HMG20A: variants seen among roughly 807,000 people sequenced by gnomAD.
The protein encoded by HMG20A is high mobility group protein 20A.
HMG20A carries 17 observed loss-of-function variants against 43.9 expected under a neutral mutation model. That is an observed-to-expected ratio of 0.39 (90% CI 0.27 to 0.58). The LOEUF (loss-of-function observed/expected upper bound fraction) is 0.58. HMG20A is among the 20% of genes least tolerant of loss of function. The pLI is 0.59. For missense variants in HMG20A, 341 were observed against 438.2 expected (o/e 0.78, Z 1.98); for synonymous variants, 132 against 147.5 (o/e 0.89, Z 0.76).
At chr15:77,487,698 G>T (rs1196967862), downstream of HMG20A, among the ~76,000 whole-genome samples, 3 of 152,202 alleles carry the variant, frequency 2.0e-5, no homozygotes, top group African/African-American at 7.2e-5. Context: ...TGGGGAAATT[G>T]AAGTATTGCT....
chr15:77,481,626 A>G (rs530222718), intron 9 of HMG20A, among the ~76,000 whole-genome samples: 50 of 152,298 alleles, frequency 3.3e-4, no homozygotes, highest in African/African-American at 1.2e-3. Context: ...TTGTTTTCTG[A>G]TGAGTCTTTG....
intron 2 of HMG20A, 60 bp downstream of exon 2, chr15:77,458,556 A>C (rs2072677954): frequency 8.7e-7 from 1 of 1,150,852 alleles, no homozygotes; most frequent in South Asian, 1.3e-5. Flanking sequence ...AGCTTCTAGC[A>C]AAGTAAGAGG....
the HMG20A span, among the ~76,000 whole-genome samples, chr15:77,505,052 C>G: frequency 6.6e-6 from 1 of 152,188 alleles, no homozygotes; most frequent in African/African-American, 2.4e-5. Flanking sequence ...ATGTGAACAC[C>G]TGTTTGGACA....
the HMG20A span, among the ~76,000 whole-genome samples, chr15:77,493,123 G>T: frequency 1.3e-5 from 2 of 152,166 alleles, no homozygotes; most frequent in African/African-American, 2.4e-5. Context: ...TTGCTTTCAT[G>T]GAGCCTAGTA....
intron 4 of HMG20A, among the ~76,000 whole-genome samples, chr15:77,469,563 G>A (rs1403527228): frequency 6.6e-6 from 1 of 151,932 alleles, no homozygotes; most frequent in Non-Finnish European, 1.5e-5. Context: ...CAAACATCTG[G>A]GCTCAAGCAG....
At chr15:77,472,140 C>A (rs1299555401) in intron 6 of HMG20A, among the ~76,000 whole-genome samples, 1 of 152,056 alleles carries the variant, frequency 6.6e-6, no homozygotes, top group Non-Finnish European at 1.5e-5. Context: ...CATAGTTTAT[C>A]ATCACCAAAT....
At chr15:77,463,641 G>T (rs1026891164) in intron 2 of HMG20A, among the ~76,000 whole-genome samples, 2 of 152,194 alleles carry the variant, frequency 1.3e-5, no homozygotes, top group African/African-American at 4.8e-5. Flanking sequence ...ATCTGGAATA[G>T]TATAGTGGGA....
rs7168876 is a variant in HMG20A at position 77,477,705 on chromosome 15, T to G, written c.691+75T>G. The G allele has an allele frequency of 3.1e-3, 2,968 of 965,260 alleles. 47 individuals carry two copies. In the African/African-American group the frequency reaches 0.039, roughly 13 times the overall value. 59.8% of individuals were successfully genotyped at this position (965,260 alleles called of 1,614,324 possible). ...TTAGTTCTCAGAAGAAATTCATTGC[T>G]CAAAAGCAATGGTAGTGTTATCCCT... On this transcript the variant is annotated intron_variant, in intron 7 of 9. Transcript: ENST00000336216.
At chr15:77,511,491 C>G in the HMG20A span, among the ~76,000 whole-genome samples, 6 of 152,132 alleles carry the variant, frequency 3.9e-5, no homozygotes, top group African/African-American at 1.4e-4. Flanking sequence ...TTGTTTCAGA[C>G]AGAAAGTGCT....
chr15:77,500,204 C>T, the HMG20A span, among the ~76,000 whole-genome samples: 4 of 152,036 alleles, frequency 2.6e-5, no homozygotes, highest in Non-Finnish European at 5.9e-5. Flanking sequence ...AAATTCTATA[C>T]GATAAGAATT....
chr15:77,439,625 A>G (rs964828587), intron 1 of HMG20A, among the ~76,000 whole-genome samples: 1 of 152,168 alleles, frequency 6.6e-6, no homozygotes, highest in Non-Finnish European at 1.5e-5. Context: ...TAACATATCC[A>G]TGCTACTGTT....
chr15:77,448,849 C>T (rs1024803791), intron 1 of HMG20A, among the ~76,000 whole-genome samples: 19 of 151,650 alleles, frequency 1.3e-4, no homozygotes, highest in South Asian at 2.1e-4. Flanking sequence ...TTTGGGAGGC[C>T]GAGGTGGGTG....
chr15:77,492,937 T>C, the HMG20A span, among the ~76,000 whole-genome samples: 4 of 152,114 alleles, frequency 2.6e-5, no homozygotes, highest in African/African-American at 9.7e-5. Context: ...AGTGAGGAAT[T>C]CTTCAAGGAG....
At chr15:77,497,491 C>T in the HMG20A span, among the ~76,000 whole-genome samples, 3,423 of 152,350 alleles carry the variant, frequency 0.022, 59 homozygotes, top group Non-Finnish European at 0.036. Context: ...ACTGGCATCT[C>T]TAAGGGGCCT....
At chr15:77,439,977 C>G (rs1201402345) in intron 1 of HMG20A, among the ~76,000 whole-genome samples, 1 of 151,936 alleles carries the variant, frequency 6.6e-6, no homozygotes, top group Non-Finnish European at 1.5e-5. Context: ...TGGATAGTCT[C>G]TTTATGAAGT....
chr15:77,517,083 A>G, the HMG20A span, among the ~76,000 whole-genome samples: 1 of 152,124 alleles, frequency 6.6e-6, no homozygotes, highest in African/African-American at 2.4e-5. Context: ...CCTTGGTCCT[A>G]GAAGACCTAG....
At chr15:77,461,149 A>T (rs1024030099) in intron 2 of HMG20A, among the ~76,000 whole-genome samples, 3 of 152,298 alleles carry the variant, frequency 2.0e-5, no homozygotes, top group Non-Finnish European at 4.4e-5. Context: ...ACTGTGTCAG[A>T]TGCTTCTGGT....
At chr15:77,504,693 C>A in the HMG20A span, among the ~76,000 whole-genome samples, 3 of 152,120 alleles carry the variant, frequency 2.0e-5, no homozygotes, top group Non-Finnish European at 4.4e-5. Flanking sequence ...GGAGGGGCAG[C>A]GCTGAAAGAT....
chr15:77,459,931 C>G (rs1270251189), intron 2 of HMG20A, among the ~76,000 whole-genome samples: 1 of 152,090 alleles, frequency 6.6e-6, no homozygotes, highest in Non-Finnish European at 1.5e-5. Flanking sequence ...TCATAGGGAT[C>G]AAAATATTTA....
Sources: gnomAD v4.1 joint callset for allele counts (sites outside exome capture counted in the v4.1 genomes callset) on GRCh38, gnomAD v4.1.1 for gene constraint, MANE v1.5 for transcripts, NCBI Gene and HGNC (gene_info 2026-07-23, HGNC 2026-07-21) for gene names.